PIWIL4: variants seen among roughly 807,000 people sequenced by gnomAD.
PIWIL4 encodes piwi like RNA-mediated gene silencing 4.
In PIWIL4, 50 loss-of-function variants were observed where a neutral mutation model predicts 100.9. The ratio of observed to expected loss-of-function variants is 0.50; its 90% CI spans 0.39 to 0.63. PIWIL4 has a LOEUF of 0.63. Among genes scored for constraint, PIWIL4 ranks in the 20% least tolerant of loss-of-function variants. PIWIL4 has a pLI of 0.00. For missense variants in PIWIL4, 887 were observed against 1,043.3 expected (o/e 0.85, Z 2.06); for synonymous variants, 342 against 367.5 (o/e 0.93, Z 0.79).
intron 19 of PIWIL4, among the ~76,000 whole-genome samples, 199 bp downstream of exon 19, chr11:94,620,343 A>G (rs1948892513): frequency 1.3e-5 from 2 of 152,256 alleles, no homozygotes; most frequent in South Asian, 2.1e-4. Flanking sequence ...TCATAGAAAC[A>G]AAATAACAAT....
In PIWIL4 at chr11:94,621,194, G is replaced by C; in HGVS notation, c.*202G>C. On this transcript the variant is annotated 3_prime_UTR_variant, in exon 20 of 20. Transcript: ENST00000299001. ...TTTGTTTTAAAGAGTTGTATGCTTG[G>C]GGTAAATTTTCATTGTCATATGTGG... The C allele has an allele frequency of 2.0e-6, 1 of 498,958 alleles. No homozygotes were observed. Among genetic ancestry groups the C allele is most frequent in the Non-Finnish European group, 3.6e-6 (1 of 280,604 alleles). 30.9% of individuals were successfully genotyped at this position (498,958 alleles called of 1,614,324 possible). A position where few individuals can be genotyped will look rare whatever the true frequency, so the allele number is the denominator to read the frequency against.
intron 2 of PIWIL4, among the ~76,000 whole-genome samples, chr11:94,571,973 C>T (rs942162821): frequency 2.6e-5 from 4 of 152,262 alleles, no homozygotes; most frequent in Non-Finnish European, 4.4e-5. Context: ...TTTTAATGAT[C>T]GCCATTCTAA....
intron 6 of PIWIL4, 129 bp from the exon 7 acceptor site, chr11:94,586,921 C>G (rs945870191): frequency 3.2e-6 from 3 of 931,292 alleles, no homozygotes; most frequent in Middle Eastern, 3.4e-4. Flanking sequence ...TGGAAGAAAT[C>G]AGACTAAAGA....
intron 1 of PIWIL4, among the ~76,000 whole-genome samples, chr11:94,568,490 G>A (rs1473462887): frequency 1.3e-5 from 2 of 152,154 alleles, no homozygotes; most frequent in African/African-American, 4.8e-5. Flanking sequence ...TACACCTCCA[G>A]CTATATCTGG....
rs1333606692 is a variant in PIWIL4 at position 94,603,888 on chromosome 11, T to C, written c.1566-96T>C. On this transcript the variant is annotated intron_variant, in intron 12 of 19. Coordinates refer to ENST00000299001, the MANE Select transcript of PIWIL4 (RefSeq NM_152431.3). ...ATAATTTTTCCTAAAACTACTAGTT[T>C]GTTATGAAAATTTATTTGTATTATT... The C allele has an allele frequency of 1.4e-5, 10 of 740,166 alleles. No homozygotes were observed. In the East Asian group the frequency reaches 3.0e-4, roughly 22 times the overall value. 45.8% of individuals were successfully genotyped at this position (740,166 alleles called of 1,614,324 possible).
At position 94,589,153 on chromosome 11, in the gene PIWIL4, T is replaced by G; in HGVS notation, c.947T>G (p.Ile316Ser). ...AACAGAACCTACTCCATTGATGACA[T>G]TGACTGGTCAGTGAAGCCCACACAC... ...YNNRTYSIDD[I>S]DWSVKPTHTF... The change falls in exon 8 of 20, where the codon ATT (isoleucine) becomes AGT (serine). Residue 316 changes from isoleucine (I) to serine (S), a missense_variant. Physicochemically the swap from Ile to Ser is moderately radical, Grantham distance 142. This residue lies in a region of PIWIL4 where 741 missense variants were observed against 930.0 expected (regional missense o/e 0.80). Coordinates refer to ENST00000299001, the MANE Select transcript of PIWIL4 (RefSeq NM_152431.3). The G allele has an allele frequency of 6.2e-7, 1 of 1,612,640 alleles. No individual in the cohort carries two copies. Among genetic ancestry groups the G allele is most frequent in the Non-Finnish European group, 8.5e-7 (1 of 1,178,758 alleles).
intron 4 of PIWIL4, among the ~76,000 whole-genome samples, chr11:94,579,843 T>A (rs1392724841): frequency 3.3e-5 from 5 of 152,264 alleles, no homozygotes. Flanking sequence ...CTTCTCATAC[T>A]TAAATGATAT....
chr11:94,599,583 C>A (rs1460207839), intron 11 of PIWIL4, among the ~76,000 whole-genome samples: 1 of 152,188 alleles, frequency 6.6e-6, no homozygotes, highest in Non-Finnish European at 1.5e-5. Flanking sequence ...CAGAGGGAGC[C>A]ATTGATGGAA....
intron 15 of PIWIL4, among the ~76,000 whole-genome samples, chr11:94,613,987 C>T (rs1300727900): frequency 6.6e-6 from 1 of 152,160 alleles, no homozygotes; most frequent in African/African-American, 2.4e-5. Context: ...TAGTCTCAAA[C>T]TCCTAACCTC....
chr11:94,576,927 A>T (rs1005856700), intron 3 of PIWIL4, among the ~76,000 whole-genome samples: 1 of 152,248 alleles, frequency 6.6e-6, no homozygotes, highest in African/African-American at 2.4e-5. Context: ...TCAGAGCAGC[A>T]TCTGAAAATA....
At chr11:94,570,639 C>G (rs1036322466) in intron 2 of PIWIL4, among the ~76,000 whole-genome samples, 7 of 152,096 alleles carry the variant, frequency 4.6e-5, no homozygotes, top group Non-Finnish European at 8.8e-5. Flanking sequence ...GCCTGTAATC[C>G]CAGCACTTTG....
At chr11:94,614,677 C>T (rs750115886) in intron 15 of PIWIL4, among the ~76,000 whole-genome samples, 3 of 152,204 alleles carry the variant, frequency 2.0e-5, no homozygotes, top group Non-Finnish European at 4.4e-5. Flanking sequence ...TCAGTCATTT[C>T]TTCCAGTCTT....
Position 94,621,089 on chromosome 11 carries a change from A to T in PIWIL4, c.*97A>T. 1.2e-6 allele frequency: 1 copy of T among 804,370 alleles called. No individual in the cohort carries two copies. The highest frequency in any genetic ancestry group is 2.0e-6 in the Non-Finnish European group (1 of 498,966). 49.8% of individuals were successfully genotyped at this position (804,370 alleles called of 1,614,324 possible). On this transcript the variant is annotated 3_prime_UTR_variant, in exon 20 of 20. Transcript: ENST00000299001. ...TAAGCTCAAGGCTGTGACTGGGGAAAAAGATTGAGCTTAGTTTTCATGTCT... is the reference window on the plus strand; with the variant it reads ...TAAGCTCAAGGCTGTGACTGGGGAATAAGATTGAGCTTAGTTTTCATGTCT...
rs142770942 is a variant in PIWIL4, at chr11:94,583,032, GTATA to G, written c.514-406_514-403del. ...AATTATGTACACTGTTGTGGTGTGT[GTATA>G]TATATATATGTGTGTGTGTGTGTGT... On this transcript the variant is annotated intron_variant, in intron 4 of 19. Transcript: ENST00000299001. Among the ~76,000 whole-genome samples the G allele has an allele frequency of 3.6e-4, 50 of 138,036 alleles. 2 individuals carry two copies. Among genetic ancestry groups the G allele is most frequent in the African/African-American group, 8.8e-4 (34 of 38,724 alleles). 90.6% of individuals were successfully genotyped at this position (138,036 alleles called of 152,430 possible).
intron 14 of PIWIL4, 96 bp downstream of exon 14, chr11:94,607,735 G>T: frequency 7.7e-7 from 1 of 1,294,334 alleles, no homozygotes; most frequent in Non-Finnish European, 1.1e-6. Context: ...GAATTATTTG[G>T]TTTGCTTGTT....
intron 13 of PIWIL4, among the ~76,000 whole-genome samples, chr11:94,604,943 A>G (rs1948695249): frequency 6.6e-6 from 1 of 152,240 alleles, no homozygotes; most frequent in African/African-American, 2.4e-5. Flanking sequence ...TACTTAAATC[A>G]AACTTATAGA....
intron 1 of PIWIL4, chr11:94,567,847 T>TA (rs1223682415): frequency 9.1e-7 from 1 of 1,099,026 alleles, no homozygotes; most frequent in African/African-American, 1.6e-5. Context: ...TGGGGACAAA[T>TA]ATGTCATTCT....
At chr11:94,614,822 T>G (rs889029455) in intron 15 of PIWIL4, among the ~76,000 whole-genome samples, 4 of 152,184 alleles carry the variant, frequency 2.6e-5, no homozygotes, top group Non-Finnish European at 5.9e-5. Context: ...TCCTTAAAAT[T>G]GCATGCACTT....
intron 12 of PIWIL4, among the ~76,000 whole-genome samples, chr11:94,602,868 T>A (rs1488545917): frequency 6.6e-6 from 1 of 152,204 alleles, no homozygotes. Context: ...TCACCCGCTC[T>A]ACTTTCTCTA....
Sources: gnomAD v4.1 joint callset for allele counts (sites outside exome capture counted in the v4.1 genomes callset) on GRCh38, gnomAD v4.1.1 for gene constraint, gnomAD v4.1.1 regional missense constraint, MANE v1.5 for transcripts, NCBI Gene and HGNC (gene_info 2026-07-23, HGNC 2026-07-21) for gene names.